SRPK2: variants seen among roughly 807,000 people sequenced by gnomAD.
SRPK2 encodes the protein SFRS protein kinase 2.
A neutral mutation model predicts 90.8 loss-of-function variants in SRPK2; 21 were observed. That is an observed-to-expected ratio of 0.23 (90% confidence interval 0.16 to 0.33). The LOEUF (loss-of-function observed/expected upper bound fraction) is 0.33, where lower values mean the gene tolerates loss of function less well. Among genes scored for constraint, SRPK2 ranks in the 10% least tolerant of loss-of-function variants. The pLI is 1.00. For synonymous variants in SRPK2, 288 were observed against 311.1 expected (o/e 0.93, Z 0.78); for missense variants, 620 against 869.0 (o/e 0.71, Z 3.60).
At position 105,168,081 on chromosome 7, in the gene SRPK2, A is replaced by T; in HGVS notation, c.353T>A (p.Val118Asp). 2 of 1,611,988 alleles carry T rather than the reference A, an allele frequency of 1.2e-6. No homozygotes were observed. Among genetic ancestry groups the T allele is most frequent in the Non-Finnish European group, 1.7e-6 (2 of 1,178,920 alleles). ...LCWDMQGKRF[V>D]AMKVVKSAQH... ...GGCACTTTTTACAACTTTCATTGCAACAAATCTTTTCCCCCTAAAAGAAAA... is the reference window on the plus strand; with the variant it reads ...GGCACTTTTTACAACTTTCATTGCATCAAATCTTTTCCCCCTAAAAGAAAA... The change falls in exon 5 of 16, where the codon GTT becomes GAT. Residue 118 changes from valine (V) to aspartate (D), a missense_variant. By Grantham distance (152) the Val-to-Asp change is radical (BLOSUM62 -3). Coordinates refer to ENST00000393651, the MANE Select transcript of SRPK2 (RefSeq NM_182692.3).
chr7:105,155,566 G>T (rs985224393), intron 7 of SRPK2, among the ~76,000 whole-genome samples: 4 of 152,190 alleles, frequency 2.6e-5, no homozygotes, highest in African/African-American at 4.8e-5. Context: ...AGGGGTAGAT[G>T]CCAGGGACGC....
At chr7:105,223,116 C>T (rs976868168) in intron 2 of SRPK2, among the ~76,000 whole-genome samples, 3 of 152,172 alleles carry the variant, frequency 2.0e-5, no homozygotes, top group Admixed American at 1.3e-4. Context: ...GGGCCCCAGT[C>T]GAGGAACGGC....
chr7:105,200,835 A>G (rs1795453901), intron 3 of SRPK2, among the ~76,000 whole-genome samples: 1 of 152,260 alleles, frequency 6.6e-6, no homozygotes, highest in African/African-American at 2.4e-5. Context: ...AAGAAATTAC[A>G]AAAACAAGAA....
chr7:105,364,701 C>A (rs982007855), intron 2 of SRPK2, among the ~76,000 whole-genome samples: 1 of 151,994 alleles, frequency 6.6e-6, no homozygotes, highest in Non-Finnish European at 1.5e-5. Flanking sequence ...CGCGCCTGGC[C>A]GAGTCTTAAA....
chr7:105,358,223 C>CAAAAAAAAA (rs976713048), intron 2 of SRPK2, among the ~76,000 whole-genome samples: 1 of 53,648 alleles, frequency 1.9e-5, no homozygotes, highest in Non-Finnish European at 3.2e-5. Context: ...GACTCCGTCT[C>CAAAAAAAAA]AAAAAAAAAA....
intron 2 of SRPK2, among the ~76,000 whole-genome samples, chr7:105,365,885 C>G (rs1818991932): frequency 1.3e-5 from 2 of 150,934 alleles, no homozygotes; most frequent in South Asian, 4.2e-4. Context: ...TAGACGGAGT[C>G]TCGCTTTGTT....
intron 2 of SRPK2, among the ~76,000 whole-genome samples, chr7:105,218,585 T>C (rs1364578863): frequency 2.0e-5 from 3 of 152,212 alleles, no homozygotes; most frequent in African/African-American, 4.8e-5. Context: ...GAATTTGTAA[T>C]GGTCCAAAAG....
At chr7:105,265,141 A>T (rs2299328) in intron 2 of SRPK2, among the ~76,000 whole-genome samples, 66,350 of 151,872 alleles carry the variant, frequency 0.44, 15,794 homozygotes, top group South Asian at 0.53. Context: ...TCTTCACCTA[A>T]AAAGCACTCA....
intron 2 of SRPK2, among the ~76,000 whole-genome samples, chr7:105,377,994 T>G (rs1820508225): frequency 1.3e-5 from 2 of 152,108 alleles, no homozygotes; most frequent in South Asian, 4.2e-4. Flanking sequence ...AAAGGAATCT[T>G]TCTAAAAACC....
At chr7:105,288,764 A>C (rs1164308978) in intron 2 of SRPK2, among the ~76,000 whole-genome samples, 2 of 152,122 alleles carry the variant, frequency 1.3e-5, no homozygotes, top group Non-Finnish European at 2.9e-5. Flanking sequence ...CCAAGTCTAT[A>C]AGTAGAGCCA....
At chr7:105,387,364 G>C (rs1821726261) in intron 2 of SRPK2, among the ~76,000 whole-genome samples, 1 of 152,174 alleles carries the variant, frequency 6.6e-6, no homozygotes. Flanking sequence ...TCACTTGAAA[G>C]CTAGCACTAA....
At chr7:105,343,534 G>C (rs903557021) in intron 2 of SRPK2, among the ~76,000 whole-genome samples, 1 of 152,228 alleles carries the variant, frequency 6.6e-6, no homozygotes, top group African/African-American at 2.4e-5. Context: ...GAAATCTGCA[G>C]ACATCTGTGT....
intron 2 of SRPK2, among the ~76,000 whole-genome samples, chr7:105,239,423 G>C (rs773303043): frequency 6.6e-6 from 1 of 152,176 alleles, no homozygotes; most frequent in Non-Finnish European, 1.5e-5. Flanking sequence ...AATATAGAGA[G>C]AACAAAGGAC....
intron 2 of SRPK2, among the ~76,000 whole-genome samples, chr7:105,299,923 G>A (rs1311977903): frequency 1.3e-5 from 2 of 151,420 alleles, no homozygotes; most frequent in Non-Finnish European, 2.9e-5. Flanking sequence ...ACAATACATA[G>A]ATCTAAAATA....
chr7:105,231,632 A>G (rs888855201), intron 2 of SRPK2, among the ~76,000 whole-genome samples: 6 of 151,984 alleles, frequency 3.9e-5, no homozygotes, highest in African/African-American at 1.5e-4. Context: ...ATAATACTTC[A>G]CTGTGGTTTT....
chr7:105,326,305 AT>A (rs763824552), intron 2 of SRPK2, among the ~76,000 whole-genome samples: 5 of 152,184 alleles, frequency 3.3e-5, no homozygotes, highest in Non-Finnish European at 7.4e-5. Context: ...CATTCCCCAT[AT>A]GGTGGCCAGA....
At chr7:105,128,486 A>T (rs570996373) in intron 13 of SRPK2, among the ~76,000 whole-genome samples, 1 of 152,312 alleles carries the variant, frequency 6.6e-6, no homozygotes, top group East Asian at 1.9e-4. Context: ...ACTGGCCCCA[A>T]ATCCAAGTGG....
chr7:105,357,464 CAATA>C (rs984486148), intron 2 of SRPK2, among the ~76,000 whole-genome samples: 2 of 152,096 alleles, frequency 1.3e-5, no homozygotes, highest in African/African-American at 4.8e-5. Context: ...CTGCTATAAA[CAATA>C]AATATCTCTT....
intron 2 of SRPK2, among the ~76,000 whole-genome samples, chr7:105,305,726 A>C (rs187802066): frequency 2.8e-4 from 43 of 152,236 alleles, no homozygotes; most frequent in Non-Finnish European, 5.3e-4. Flanking sequence ...GATTAACAGG[A>C]GGGGGAAAAA....
Sources: gnomAD v4.1 joint callset for allele counts (sites outside exome capture counted in the v4.1 genomes callset) on GRCh38, gnomAD v4.1.1 for gene constraint, MANE v1.5 for transcripts, NCBI Gene and HGNC (gene_info 2026-07-23, HGNC 2026-07-21) for gene names.